The following CLVS1 variants were observed in gnomAD, a reference collection of about 807,000 sequenced individuals.
CLVS1 encodes the protein clavesin-1.
In CLVS1, 10 loss-of-function variants were observed where a neutral mutation model predicts 33.1. The ratio of observed to expected loss-of-function variants is 0.30; its 90% CI spans 0.19 to 0.51. The LOEUF (loss-of-function observed/expected upper bound fraction) is 0.51. Among genes scored for constraint, CLVS1 ranks in the 20% least tolerant of loss-of-function variants. The probability of loss-of-function intolerance (pLI) is 0.97; values close to 1 mark genes in which losing one functional copy is unlikely to be tolerated. For missense variants in CLVS1, 343 were observed against 433.4 expected (o/e 0.79, Z 1.85); for synonymous variants, 163 against 166.1 (o/e 0.98, Z 0.14).
chr8:61,389,137 A>G (rs1164690863), intron 3 of CLVS1, among the ~76,000 whole-genome samples: 1 of 152,230 alleles, frequency 6.6e-6, no homozygotes, highest in Admixed American at 6.5e-5. Flanking sequence ...AATTTTACAC[A>G]TAATTCTTGC....
At chr8:61,339,998 GAAAGAAAGGAAGAA>G (rs914172349) in intron 2 of CLVS1, among the ~76,000 whole-genome samples, 2 of 136,604 alleles carry the variant, frequency 1.5e-5, no homozygotes, top group Non-Finnish European at 1.6e-5. Flanking sequence ...AAGAGAAAAT[GAAAGAAAGGAAGAA>G]AAAGAAAGAA....
intron 2 of CLVS1, among the ~76,000 whole-genome samples, chr8:61,177,824 C>T (rs1310107138): frequency 1.3e-5 from 2 of 148,182 alleles, no homozygotes; most frequent in Non-Finnish European, 3.0e-5. Context: ...AAAGTCCCCA[C>T]AAAAACCTCA....
At chr8:61,111,432 C>T (rs957187302) in intron 1 of CLVS1, among the ~76,000 whole-genome samples, 1 of 152,126 alleles carries the variant, frequency 6.6e-6, no homozygotes, top group South Asian at 2.1e-4. Context: ...GGCTGACATG[C>T]TAAATTATCC....
intron 1 of CLVS1, among the ~76,000 whole-genome samples, chr8:61,108,488 T>C (rs1294741081): frequency 6.6e-6 from 1 of 152,210 alleles, no homozygotes; most frequent in Non-Finnish European, 1.5e-5. Flanking sequence ...ACTCTTTTTC[T>C]ATATGTATAT....
chr8:61,009,538 C>T, the CLVS1 span, among the ~76,000 whole-genome samples: 2 of 152,078 alleles, frequency 1.3e-5, no homozygotes, highest in Admixed American at 1.3e-4. Flanking sequence ...TGAGGTTGAA[C>T]TTTTTTCATA....
intron 2 of CLVS1, among the ~76,000 whole-genome samples, chr8:61,353,733 TAAAG>T (rs144108492): frequency 0.059 from 8,308 of 141,888 alleles, 524 homozygotes; most frequent in African/African-American, 0.16. Flanking sequence ...AAAAAAAAAA[TAAAG>T]AAAGAACAAA....
At chr8:61,487,716 CAAG>C (rs949481862) in intron 5 of CLVS1, among the ~76,000 whole-genome samples, 30 of 152,156 alleles carry the variant, frequency 2.0e-4, no homozygotes, top group African/African-American at 7.0e-4. Context: ...TACAGATATA[CAAG>C]AAGAAAATTT....
chr8:61,366,499 T>C (rs1420958144), intron 2 of CLVS1, among the ~76,000 whole-genome samples: 1 of 152,218 alleles, frequency 6.6e-6, no homozygotes, highest in East Asian at 1.9e-4. Flanking sequence ...TCTATAAGCA[T>C]GAGTCATAAT....
intron 3 of CLVS1, among the ~76,000 whole-genome samples, chr8:61,396,210 G>A (rs1814522772): frequency 6.6e-6 from 1 of 152,220 alleles, no homozygotes; most frequent in African/African-American, 2.4e-5. Flanking sequence ...TTTCTGCCTT[G>A]TCTAGGTTTG....
At chr8:61,404,344 A>C (rs961978683) in intron 3 of CLVS1, among the ~76,000 whole-genome samples, 1 of 152,142 alleles carries the variant, frequency 6.6e-6, no homozygotes, top group East Asian at 1.9e-4. Flanking sequence ...TTTTATTTTT[A>C]TCTATCCCAA....
chr8:61,210,917 A>T (rs781316328), intron 2 of CLVS1, among the ~76,000 whole-genome samples: 2 of 152,168 alleles, frequency 1.3e-5, no homozygotes, highest in Non-Finnish European at 2.9e-5. Context: ...CTGGAGGAAC[A>T]GCTACATTTT....
chr8:61,315,563 C>T (rs1438422388), intron 2 of CLVS1, among the ~76,000 whole-genome samples: 1 of 152,108 alleles, frequency 6.6e-6, no homozygotes, highest in African/African-American at 2.4e-5. Flanking sequence ...CCCTCCAGTA[C>T]CCAGATACTC....
In CLVS1 at chr8:61,299,721, C is replaced by G. The variant is rs1248728193; in HGVS notation, c.-107C>G. ...TGCTTCTGTTTTGGATGAACACCAC[C>G]ACATAGGGCCTGAATGTGAAAGAAG... is the stretch of plus-strand genomic sequence containing the variant. On this transcript the variant is annotated 5_prime_UTR_variant, in exon 2 of 6. Coordinates refer to ENST00000325897, the MANE Select transcript of CLVS1 (RefSeq NM_173519.3). 1.3e-6 allele frequency: 1 copy of G among 769,298 alleles called. No homozygotes were observed. Among genetic ancestry groups the G allele is most frequent in the African/African-American group, 1.7e-5 (1 of 57,374 alleles). The allele number at this position is 769,298 out of a possible 1,614,324, so 47.7% of individuals were successfully genotyped here.
At chr8:61,283,280 T>C (rs763092864), upstream of CLVS1, among the ~76,000 whole-genome samples, 3 of 152,224 alleles carry the variant, frequency 2.0e-5, no homozygotes, top group South Asian at 2.1e-4. Context: ...ATTACTTTAC[T>C]CTTCCTTTTT....
At chr8:61,144,911 A>G (rs932607359) in intron 2 of CLVS1, among the ~76,000 whole-genome samples, 1 of 152,154 alleles carries the variant, frequency 6.6e-6, no homozygotes, top group Non-Finnish European at 1.5e-5. Context: ...TGGTCTTTTT[A>G]GTAGAGACAG....
intron 2 of CLVS1, among the ~76,000 whole-genome samples, chr8:61,262,126 A>G (rs1286582342): frequency 1.3e-5 from 2 of 151,844 alleles, no homozygotes; most frequent in Non-Finnish European, 2.9e-5. Context: ...ATCTCTTCTC[A>G]TTTCAGTCTC....
chr8:61,216,120 G>A (rs1808080805), intron 2 of CLVS1, among the ~76,000 whole-genome samples: 1 of 152,140 alleles, frequency 6.6e-6, no homozygotes, highest in African/African-American at 2.4e-5. Context: ...TATGGTCATC[G>A]TGAATTTAGA....
chr8:61,045,812 G>C, the CLVS1 span, among the ~76,000 whole-genome samples: 2 of 152,162 alleles, frequency 1.3e-5, no homozygotes, highest in African/African-American at 4.8e-5. Flanking sequence ...ACATGGCTGT[G>C]CCTCTGGCCA....
chr8:61,452,706 TAAAAG>T (rs939013691), intron 3 of CLVS1, among the ~76,000 whole-genome samples: 6 of 152,170 alleles, frequency 3.9e-5, no homozygotes, highest in African/African-American at 1.4e-4. Flanking sequence ...TTTTTGAAAA[TAAAAG>T]AAACAAAACA....
Sources: allele counts gnomAD v4.1 joint callset (sites outside exome capture counted in the v4.1 genomes callset), GRCh38; gene constraint gnomAD v4.1.1; transcripts MANE v1.5; gene names NCBI Gene and HGNC (gene_info 2026-07-23, HGNC 2026-07-21).